Variants in WDR47 observed in about 807,000 individuals in gnomAD.
The protein encoded by WDR47 is WD repeat domain 47.
Under a neutral mutation model 97.2 loss-of-function variants are expected in WDR47, and 32 were observed. The ratio of observed to expected loss-of-function variants is 0.33; its 90% CI spans 0.25 to 0.44. The LOEUF is 0.44. Among genes scored for constraint, WDR47 ranks in the 20% least tolerant of loss-of-function variants. WDR47 has a pLI of 1.00. For missense variants in WDR47, 782 were observed against 1,102.3 expected (o/e 0.71, Z 4.11); for synonymous variants, 375 against 373.5 (o/e 1.00, Z -0.05).
chr1:109,021,288 G>A (rs1367573795), intron 2 of WDR47, among the ~76,000 whole-genome samples: 1 of 152,128 alleles, frequency 6.6e-6, no homozygotes. Context: ...AGCACTTTGG[G>A]AGGCCGAGGC....
chr1:108,975,673 AT>A (rs1270002248), intron 13 of WDR47, among the ~76,000 whole-genome samples: 1 of 151,844 alleles, frequency 6.6e-6, no homozygotes, highest in East Asian at 1.9e-4. Flanking sequence ...TCTCAAAAAA[AT>A]AAATTAAAAA....
chr1:109,014,649 G>C (rs182578169), intron 3 of WDR47, among the ~76,000 whole-genome samples: 2 of 151,832 alleles, frequency 1.3e-5, no homozygotes, highest in East Asian at 3.9e-4. Context: ...TGCTCAGACT[G>C]ATCTCAAATT....
At position 108,981,729 on chromosome 1, in the gene WDR47, C is replaced by G. The variant is rs1166152780; in HGVS notation, c.2398+4G>C. 6.2e-7 allele frequency: 1 copy of G among 1,607,714 alleles called. No homozygotes were observed. Among genetic ancestry groups the G allele is most frequent in the South Asian group, 1.1e-5 (1 of 89,870 alleles). On this transcript the variant is annotated splice_donor_region_variant and intron_variant, in intron 13 of 14. Transcript: ENST00000369962. ...CCATATATATCATTTAAAGAAAAAC[C>G]TACCAGTTCCATGAAATGTTGTGCC...
At chr1:109,011,841 T>C (rs1257401129) in intron 4 of WDR47, 123 bp from the exon 5 acceptor site, 6 of 887,786 alleles carry the variant, frequency 6.8e-6, no homozygotes, top group Non-Finnish European at 9.9e-6. Flanking sequence ...TTGTAGGATA[T>C]GCAACAGCTT....
At chr1:108,988,446 A>C (rs1485122684) in intron 9 of WDR47, among the ~76,000 whole-genome samples, 1 of 152,150 alleles carries the variant, frequency 6.6e-6, no homozygotes, top group Admixed American at 6.6e-5. Context: ...CAGTATTTCA[A>C]GCTGAAGTTA....
Position 108,990,992 on chromosome 1 carries a change from T to G in WDR47, c.1767+262A>C, listed in dbSNP as rs141135305. 6.1e-3 allele frequency among the ~76,000 whole-genome samples: 915 copies of G among 149,752 alleles called. 7 individuals are homozygous for G. Among genetic ancestry groups the G allele is most frequent in the Middle Eastern group, 0.045 (13 of 290 alleles). On this transcript the variant is annotated intron_variant, in intron 9 of 14. Coordinates refer to ENST00000369962, the MANE Select transcript of WDR47 (RefSeq NM_001142551.2). ...ACATTAGCAGTAAAAGTTTGTGGGG[T>G]TTTTTTTTGTTTTTTTTTTTTTAAG...
chr1:109,015,302 G>C (rs958038572), intron 3 of WDR47, among the ~76,000 whole-genome samples: 2 of 152,116 alleles, frequency 1.3e-5, no homozygotes, highest in Admixed American at 6.5e-5. Flanking sequence ...ACCAAAAAAA[G>C]GTGATTTTAT....
At chr1:109,021,293 C>T (rs1273407885) in intron 2 of WDR47, among the ~76,000 whole-genome samples, 1 of 151,958 alleles carries the variant, frequency 6.6e-6, no homozygotes, top group Non-Finnish European at 1.5e-5. Context: ...TTTGGGAGGC[C>T]GAGGCAGGCA....
chr1:109,009,308 G>A (rs1252032895), intron 5 of WDR47, among the ~76,000 whole-genome samples: 1 of 152,148 alleles, frequency 6.6e-6, no homozygotes, highest in East Asian at 1.9e-4. Flanking sequence ...CTGGAAAAAT[G>A]AGGCAGAAAG....
Position 108,986,611 on chromosome 1 carries a change from C to T in WDR47, c.1837G>A (p.Ala613Thr). The stretch of plus-strand genomic sequence containing the variant: ...TATAAACCTCCAGCTGGATGAAAAG[C>T]CACTGCTCTAACAGCTTGTGTGTCT... ...LEDTQAVRAV[A>T]FHPAGGLYAV... is the part of the protein sequence containing the mutation. Residue 613 changes from alanine to threonine, a missense_variant, in exon 10 of 15, where the codon GCT becomes ACT. Coordinates refer to ENST00000369962, the MANE Select transcript of WDR47 (RefSeq NM_001142551.2). 1 of 1,613,708 alleles carries T rather than the reference C, an allele frequency of 6.2e-7. No individual in the cohort carries two copies. The highest frequency in any genetic ancestry group is 2.2e-5 in the East Asian group (1 of 44,816).
At chr1:109,039,106 C>T (rs1663163229) in intron 1 of WDR47, among the ~76,000 whole-genome samples, 1 of 152,094 alleles carries the variant, frequency 6.6e-6, no homozygotes, top group African/African-American at 2.4e-5. Context: ...GCCATTTAAA[C>T]AGGAGAAGTT....
rs1283333086 is a variant in WDR47, at chr1:108,970,312, C to T, written c.*1118G>A. On this transcript the variant is annotated 3_prime_UTR_variant, in exon 15 of 15. Transcript: ENST00000369962. ...ACAGATGAAAAATGCTTGCTACATA[C>T]AGTGCACAGACAGTTCAATAATGAG... The T allele has an allele frequency of 6.6e-6, 1 of 152,576 alleles. No individual in the cohort carries two copies. Among genetic ancestry groups the T allele is most frequent in the African/African-American group, 2.4e-5 (1 of 41,432 alleles). The allele number at this position is 152,576 out of a possible 1,614,324, so 9.5% of individuals were successfully genotyped here.
chr1:109,015,450 A>T (rs958618823), intron 3 of WDR47, among the ~76,000 whole-genome samples: 3 of 151,850 alleles, frequency 2.0e-5, no homozygotes, highest in African/African-American at 4.8e-5. Flanking sequence ...CAGCCTCCCA[A>T]GTAGCTGGGA....
chr1:108,974,481 A>T, intron 14 of WDR47, 55 bp downstream of exon 14: 2 of 1,448,892 alleles, frequency 1.4e-6, no homozygotes, highest in South Asian at 2.5e-5. Flanking sequence ...ACAAAAAAAT[A>T]AAGGTCCCAA....
chr1:109,035,266 A>C (rs940719103), intron 1 of WDR47, among the ~76,000 whole-genome samples: 4 of 149,604 alleles, frequency 2.7e-5, no homozygotes, highest in East Asian at 2.0e-4. Context: ...AAAAAAAAAA[A>C]CCCCACACAC....
chr1:109,016,551 G>A (rs1661432872), intron 3 of WDR47, among the ~76,000 whole-genome samples: 1 of 152,260 alleles, frequency 6.6e-6, no homozygotes, highest in South Asian at 2.1e-4. Flanking sequence ...GAAGATGCAA[G>A]GGAGACTCCA....
intron 4 of WDR47, among the ~76,000 whole-genome samples, chr1:109,012,048 G>T (rs1278804964): frequency 6.6e-6 from 1 of 152,014 alleles, no homozygotes; most frequent in Non-Finnish European, 1.5e-5. Flanking sequence ...TTGAACTCTT[G>T]GGCTCAAGTG....
intron 14 of WDR47, 116 bp downstream of exon 14, chr1:108,974,420 T>C: frequency 1.3e-6 from 1 of 776,904 alleles, no homozygotes; most frequent in Non-Finnish European, 2.0e-6. Context: ...ATCTGCTCAA[T>C]AAATACTATA....
chr1:108,992,741 G>A, intron 8 of WDR47: 3 of 1,595,106 alleles, frequency 1.9e-6, no homozygotes, highest in Non-Finnish European at 2.5e-6. Context: ...TACGGAAAAG[G>A]AACAGATTGT....
Sources: allele counts gnomAD v4.1 joint callset (sites outside exome capture counted in the v4.1 genomes callset), GRCh38; gene constraint gnomAD v4.1.1; transcripts MANE v1.5; gene names NCBI Gene and HGNC (gene_info 2026-07-23, HGNC 2026-07-21).